The following DYNC2I1 variants were observed in gnomAD, a reference collection of about 807,000 sequenced individuals.
The protein encoded by DYNC2I1 is cytoplasmic dynein 2 intermediate chain 1.
Under a neutral mutation model 133.4 loss-of-function variants are expected in DYNC2I1, and 89 were observed. That is an observed-to-expected ratio of 0.67 (90% CI 0.56 to 0.80). The LOEUF is 0.80. Ranked by LOEUF, DYNC2I1 falls within the 30% of genes least tolerant of loss-of-function variation. The pLI is 0.00. For synonymous variants in DYNC2I1, 504 were observed against 484.3 expected (o/e 1.04, Z -0.54); for missense variants, 1,291 against 1,314.5 (o/e 0.98, Z 0.28).
At chr7:158,883,279 GT>G (rs1844236674) in intron 5 of DYNC2I1, among the ~76,000 whole-genome samples, 1 of 148,848 alleles carries the variant, frequency 6.7e-6, no homozygotes. Flanking sequence ...GAGCAGTGGT[GT>G]GATCTTGGCT....
At chr7:158,919,521 C>T (rs1049316294) in intron 15 of DYNC2I1, among the ~76,000 whole-genome samples, 4 of 152,148 alleles carry the variant, frequency 2.6e-5, no homozygotes, top group African/African-American at 4.8e-5. Context: ...GCCATGGTCC[C>T]GGTTTTTGTG....
chr7:158,863,618 GGT>G, intron 1 of DYNC2I1, among the ~76,000 whole-genome samples: 1 of 118,840 alleles, frequency 8.4e-6, no homozygotes, highest in Admixed American at 9.1e-5. Flanking sequence ...CTTAGCTCCG[GGT>G]GTGTTTGGGG....
At chr7:158,915,416 G>T (rs1426212073) in intron 14 of DYNC2I1, among the ~76,000 whole-genome samples, 1 of 129,198 alleles carries the variant, frequency 7.7e-6, no homozygotes, top group Non-Finnish European at 1.8e-5. Context: ...GGATGATTGT[G>T]AAACGTCGAC....
At chr7:158,862,553 A>G (rs1465181285) in intron 1 of DYNC2I1, among the ~76,000 whole-genome samples, 2 of 43,996 alleles carry the variant, frequency 4.5e-5, no homozygotes, top group Non-Finnish European at 3.8e-5. Context: ...CCTATCTCTT[A>G]AAAAAAAAAA....
At chr7:158,929,172 C>T (rs1320637738) in intron 20 of DYNC2I1, among the ~76,000 whole-genome samples, 5 of 152,184 alleles carry the variant, frequency 3.3e-5, no homozygotes, top group South Asian at 2.1e-4. Flanking sequence ...CCGACCAGCC[C>T]GTTGTTCAGG....
At chr7:158,928,234 T>A (rs1474983305) in intron 20 of DYNC2I1, among the ~76,000 whole-genome samples, 2 of 151,326 alleles carry the variant, frequency 1.3e-5, no homozygotes, top group Non-Finnish European at 2.9e-5. Context: ...AGTAATTCAG[T>A]CCTGTTGTGT....
At chr7:158,884,679 G>A (rs1417397892) in intron 6 of DYNC2I1, 60 bp downstream of exon 6, 87 of 1,576,690 alleles carry the variant, frequency 5.5e-5, no homozygotes, top group Non-Finnish European at 8.7e-7. Context: ...GAATGCTTCA[G>A]GGAATTTTCT....
chr7:158,886,874 T>TA (rs1232644055), intron 6 of DYNC2I1, 147 bp from the exon 7 acceptor site: 1 of 733,292 alleles, frequency 1.4e-6, no homozygotes, highest in East Asian at 2.8e-5. Flanking sequence ...TAGCTGGGAT[T>TA]ACAGGTGCAA....
intron 23 of DYNC2I1, among the ~76,000 whole-genome samples, chr7:158,938,058 AATG>A (rs1488543699): frequency 6.6e-6 from 1 of 152,238 alleles, no homozygotes; most frequent in African/African-American, 2.4e-5. Context: ...TATTCAAAGA[AATG>A]ATAACAGAAA....
chr7:158,949,802 G>C (rs925357905), downstream of DYNC2I1, among the ~76,000 whole-genome samples: 2 of 149,640 alleles, frequency 1.3e-5, no homozygotes, highest in Non-Finnish European at 3.0e-5. Flanking sequence ...ACGGAGTTTC[G>C]CTCTCCTTGT....
chr7:158,913,315 C>T (rs1197256880), intron 13 of DYNC2I1, among the ~76,000 whole-genome samples: 1 of 152,178 alleles, frequency 6.6e-6, no homozygotes, highest in Non-Finnish European at 1.5e-5. Context: ...GCTCTCGAGG[C>T]CCAGTCTGTG....
At chr7:158,844,158 C>A in the DYNC2I1 span, among the ~76,000 whole-genome samples, 1 of 152,172 alleles carries the variant, frequency 6.6e-6, no homozygotes, top group South Asian at 2.1e-4. Context: ...TTTCACCTTG[C>A]AGGAAGTTTT....
chr7:158,940,150 C>T (rs1432332413), intron 23 of DYNC2I1, among the ~76,000 whole-genome samples: 1 of 152,164 alleles, frequency 6.6e-6, no homozygotes, highest in Non-Finnish European at 1.5e-5. Flanking sequence ...GGTCCCCAAC[C>T]TTTTTGGCAC....
At chr7:158,949,645 C>T (rs112848731), downstream of DYNC2I1, among the ~76,000 whole-genome samples, 4 of 28,622 alleles carry the variant, frequency 1.4e-4, no homozygotes, top group African/African-American at 3.0e-4. Flanking sequence ...GAGGTGCAGG[C>T]GGCGCGGCTT....
chr7:158,859,685 CA>C (rs1264306398), intron 1 of DYNC2I1, among the ~76,000 whole-genome samples: 1 of 152,054 alleles, frequency 6.6e-6, no homozygotes, highest in Admixed American at 6.6e-5. Flanking sequence ...GTATTTTTAG[CA>C]GAGACGGGAT....
chr7:158,858,174 C>T (rs552866072), intron 1 of DYNC2I1, among the ~76,000 whole-genome samples: 4 of 152,306 alleles, frequency 2.6e-5, no homozygotes, highest in Admixed American at 6.5e-5. Flanking sequence ...CCTAAACCCA[C>T]TAATTTCCTG....
intron 6 of DYNC2I1, among the ~76,000 whole-genome samples, chr7:158,886,731 G>A (rs1844644934): frequency 6.6e-6 from 1 of 152,016 alleles, no homozygotes; most frequent in Non-Finnish European, 1.5e-5. Flanking sequence ...AGCCTCCCAA[G>A]TAGCTGAGAC....
At chr7:158,922,236 G>C in intron 15 of DYNC2I1, 141 bp from the exon 16 acceptor site, 1 of 755,364 alleles carries the variant, frequency 1.3e-6, no homozygotes, top group Non-Finnish European at 2.2e-6. Context: ...CAAAACCTAC[G>C]TTTCATGTAT....
chr7:158,842,544 A>G, the DYNC2I1 span, among the ~76,000 whole-genome samples: 1 of 152,228 alleles, frequency 6.6e-6, no homozygotes, highest in African/African-American at 2.4e-5. Flanking sequence ...TGATAATTAA[A>G]TGAATTACCA....
Sources: gnomAD v4.1 joint callset for allele counts (sites outside exome capture counted in the v4.1 genomes callset) on GRCh38, gnomAD v4.1.1 for gene constraint, MANE v1.5 for transcripts, NCBI Gene and HGNC (gene_info 2026-07-23, HGNC 2026-07-21) for gene names.